The following CA5A variants were observed in gnomAD, a reference collection of about 807,000 sequenced individuals.
CA5A encodes the protein carbonic anhydrase 5A.
Under a neutral mutation model 37.1 loss-of-function variants are expected in CA5A, and 28 were observed. That is an observed-to-expected ratio of 0.75 (90% CI 0.56 to 1.03). The LOEUF (loss-of-function observed/expected upper bound fraction) is 1.03. Ranked by LOEUF, CA5A falls within the 50% of genes least tolerant of loss-of-function variation. CA5A has a pLI of 0.00. For missense variants in CA5A, 444 were observed against 399.9 expected (o/e 1.11, Z -0.94); for synonymous variants, 171 against 158.4 (o/e 1.08, Z -0.60).
At chr16:87,921,757 C>T (rs1274831972) in intron 2 of CA5A, among the ~76,000 whole-genome samples, 6 of 152,208 alleles carry the variant, frequency 3.9e-5, no homozygotes, top group South Asian at 2.1e-4. Flanking sequence ...GCGGGATCAG[C>T]GGCACCTGGG....
chr16:87,901,592 CTT>C (rs369833235), intron 5 of CA5A, among the ~76,000 whole-genome samples: 4 of 145,656 alleles, frequency 2.7e-5, no homozygotes, highest in South Asian at 2.2e-4. Context: ...CTTTTCTTTT[CTT>C]TTTTTTTTTT....
At chr16:87,910,092 CA>C (rs1243399656) in intron 2 of CA5A, among the ~76,000 whole-genome samples, 9 of 152,120 alleles carry the variant, frequency 5.9e-5, no homozygotes, top group Non-Finnish European at 1.3e-4. Flanking sequence ...CTAAAACAAA[CA>C]AACAAACAAA....
chr16:87,891,601 T>A (rs1394095230), intron 6 of CA5A, among the ~76,000 whole-genome samples, 198 bp downstream of exon 6: 1 of 152,238 alleles, frequency 6.6e-6, no homozygotes, highest in African/African-American at 2.4e-5. Flanking sequence ...ACATGCTTGC[T>A]GTGATCACTG....
chr16:87,885,202 C>CAA, downstream of CA5A: 1 of 170,582 alleles, frequency 5.9e-6, no homozygotes, highest in Non-Finnish European at 1.2e-5. Context: ...ACAACAACAA[C>CAA]AACAAAAAAA....
chr16:87,928,756 CTTTGTTTTTT>C (rs772339764), intron 1 of CA5A, among the ~76,000 whole-genome samples: 20,469 of 107,760 alleles, frequency 0.19, 2,052 homozygotes, highest in Admixed American at 0.26. Flanking sequence ...ATTTTCTTTT[CTTTGTTTTTT>C]TTTTTTTTTT....
At chr16:87,907,899 C>A (rs2055989524) in intron 2 of CA5A, among the ~76,000 whole-genome samples, 1 of 152,228 alleles carries the variant, frequency 6.6e-6, no homozygotes, top group African/African-American at 2.4e-5. Flanking sequence ...GCACTCCAGC[C>A]TGGGCAACAA....
In CA5A at chr16:87,913,802, A is replaced by G. The variant is rs375469952; in HGVS notation, c.341-8898T>C. Among the ~76,000 whole-genome samples, 31 of 152,188 alleles carry G rather than the reference A, an allele frequency of 2.0e-4. No individual in the cohort carries two copies. The Middle Eastern group carries it at 0.01, about 50-fold the overall frequency. ...GGAGCGTAGCTGGCCCGTCCTGCAC[A>G]CCAGCCTTGCAGGCTCGCTGAGTAG... On this transcript the variant is annotated intron_variant, in intron 2 of 6. Transcript: ENST00000649794.
At position 87,891,423 on chromosome 16, in the gene CA5A, G is replaced by A. The variant is rs200055478; in HGVS notation, c.774+376C>T. 1.7e-4 allele frequency among the ~76,000 whole-genome samples: 26 copies of A among 150,690 alleles called. No individual in the cohort carries two copies. In the East Asian group the frequency reaches 3.7e-3, roughly 22 times the overall value. On this transcript the variant is annotated intron_variant, in intron 6 of 6. Transcript: ENST00000649794. The stretch of plus-strand genomic sequence containing the variant: ...GTGGAGGTTGTAGTGAGCCGAGATC[G>A]CACCACTGCACTCCAGCCTGGGCGA...
downstream of CA5A, chr16:87,887,269 TTATTTTTGGTTG>T (rs1482671625): frequency 2.0e-5 from 3 of 152,060 alleles, no homozygotes; most frequent in Non-Finnish European, 2.9e-5. Context: ...TCCTGCCAGA[TTATTTTTGGTTG>T]TATTTTTGGT....
rs565557401 is a variant in CA5A, at chr16:87,899,919, C to CAAAAAAAAAAAAAA, written c.618+1979_618+1992dup. On this transcript the variant is annotated intron_variant, in intron 5 of 6. Transcript: ENST00000649794. ...TGGGCAACAGAGCGAGATTTTATCT[C>CAAAAAAAAAAAAAA]AAAAAAAAAAAAAAAAAAAAAAAAA... is the stretch of plus-strand genomic sequence containing the variant. Among the ~76,000 whole-genome samples the CAAAAAAAAAAAAAA allele has an allele frequency of 2.4e-4, 11 of 46,512 alleles. 1 individual carries two copies. The highest frequency in any genetic ancestry group is 8.2e-4 in the African/African-American group (10 of 12,254). The allele number at this position is 46,512 out of a possible 152,430, so 30.5% of individuals were successfully genotyped here.
chr16:87,925,797 AC>A (rs1223264555), intron 2 of CA5A, among the ~76,000 whole-genome samples: 1 of 151,416 alleles, frequency 6.6e-6, no homozygotes, highest in African/African-American at 2.4e-5. Context: ...CTCTCAAGTC[AC>A]CTCCCAGCCC....
intron 1 of CA5A, among the ~76,000 whole-genome samples, chr16:87,928,756 C>CTTTTTT (rs2056351904): frequency 2.8e-5 from 3 of 108,150 alleles, no homozygotes; most frequent in African/African-American, 1.1e-4. Flanking sequence ...ATTTTCTTTT[C>CTTTTTT]TTTGTTTTTT....
At position 87,888,243 on chromosome 16, in the gene CA5A, A is replaced by T. The variant is rs1191021266; in HGVS notation, c.804T>A (p.Ser268=). Residue 268 remains serine, a synonymous_variant, in exon 7 of 7, where the codon TCT becomes TCA. Coordinates refer to ENST00000649794, the MANE Select transcript of CA5A (RefSeq NM_001739.2). ...QLSAFRTLLF[S]ALGEEEKMMV... ...TCATCTTCTCCTCTTCACCAAGTGC[A>T]GAAAACAGGAGAGTACGAAATGCAG... is the stretch of plus-strand genomic sequence containing the variant. 1 of 1,613,842 alleles carries T rather than the reference A, an allele frequency of 6.2e-7. No homozygotes were observed. The highest frequency in any genetic ancestry group is 2.2e-5 in the East Asian group (1 of 44,888).
intron 2 of CA5A, among the ~76,000 whole-genome samples, chr16:87,916,164 T>C (rs1266322661): frequency 4.2e-5 from 5 of 118,118 alleles, no homozygotes; most frequent in Non-Finnish European, 5.0e-5. Context: ...CAAGACTCCG[T>C]CTCAAAAAAA....
At chr16:87,916,219 G>T (rs986428299) in intron 2 of CA5A, among the ~76,000 whole-genome samples, 4 of 151,198 alleles carry the variant, frequency 2.6e-5, no homozygotes, top group Admixed American at 1.3e-4. Context: ...AGTGGCTCAC[G>T]CCTATAATCC....
At chr16:87,902,646 C>G in intron 3 of CA5A, 126 bp from the exon 4 acceptor site, 2 of 635,910 alleles carry the variant, frequency 3.1e-6, no homozygotes, top group African/African-American at 1.8e-5. Flanking sequence ...GTGGCTCACA[C>G]CTGTAATCCC....
chr16:87,905,101 C>T (rs558064061), intron 2 of CA5A, among the ~76,000 whole-genome samples, 197 bp from the exon 3 acceptor site: 1 of 152,188 alleles, frequency 6.6e-6, no homozygotes, highest in South Asian at 2.1e-4. Context: ...CCCCCCAGCC[C>T]AGCGCCTGCC....
At chr16:87,903,156 G>A (rs1386035722) in intron 3 of CA5A, among the ~76,000 whole-genome samples, 1 of 152,110 alleles carries the variant, frequency 6.6e-6, no homozygotes, top group Non-Finnish European at 1.5e-5. Context: ...GCCTCGGCTG[G>A]GCGCGGTGGC....
intron 1 of CA5A, among the ~76,000 whole-genome samples, chr16:87,934,366 C>T (rs996828533): frequency 2.0e-5 from 3 of 151,342 alleles, no homozygotes; most frequent in Non-Finnish European, 4.4e-5. Flanking sequence ...GCTGGGAGTT[C>T]AAGACCACCC....
Sources: gnomAD v4.1 joint callset for allele counts (sites outside exome capture counted in the v4.1 genomes callset) on GRCh38, gnomAD v4.1.1 for gene constraint, MANE v1.5 for transcripts, NCBI Gene and HGNC (gene_info 2026-07-23, HGNC 2026-07-21) for gene names.